The following SH3KBP1 variants were observed in gnomAD, a reference collection of about 807,000 sequenced individuals.
SH3KBP1 encodes SH3 domain containing kinase binding protein 1, also known as SH3 domain-containing kinase-binding protein 1.
A neutral mutation model predicts 50.1 loss-of-function variants in SH3KBP1; 8 were observed. The observed-to-expected ratio is 0.16, with a 90% CI of 0.09 to 0.29. The LOEUF is 0.29. Ranked by LOEUF, SH3KBP1 falls within the 10% of genes least tolerant of loss-of-function variation. The pLI is 1.00. For missense variants in SH3KBP1, 377 were observed against 535.2 expected, an observed-to-expected ratio of 0.70 and a Z score of 2.92; for synonymous variants, 227 against 218.6, an observed-to-expected ratio of 1.04 and a Z score of -0.34.
intron 2 of SH3KBP1, among the ~76,000 whole-genome samples, chrX:19,789,564 T>C (rs918063643): frequency 3.7e-5 from 4 of 109,119 alleles, no homozygotes; most frequent in African/African-American, 1.0e-4. Context: ...CTTTCCTCTG[T>C]GCGTCTGCGT....
intron 3 of SH3KBP1, among the ~76,000 whole-genome samples, chrX:19,738,263 C>T (rs1369191240): frequency 9.0e-6 from 1 of 110,946 alleles, no homozygotes; most frequent in Non-Finnish European, 1.9e-5. Context: ...ATTTTCTCTC[C>T]CCGCTTGTCT....
chrX:19,832,108 A>T (rs1020873748), intron 2 of SH3KBP1, among the ~76,000 whole-genome samples: 3 of 112,291 alleles, frequency 2.7e-5, no homozygotes. Flanking sequence ...TGACAGCTAC[A>T]AGTAGCGCAG....
chrX:19,547,175 G>C (rs1411798331), intron 14 of SH3KBP1, among the ~76,000 whole-genome samples: 2 of 110,590 alleles, frequency 1.8e-5, no homozygotes, highest in African/African-American at 6.6e-5. Flanking sequence ...AAAAATTCTG[G>C]ACCAATTCAC....
At chrX:19,538,579 A>G (rs1327898719) in intron 16 of SH3KBP1, among the ~76,000 whole-genome samples, 2 of 107,125 alleles carry the variant, frequency 1.9e-5, no homozygotes, top group Admixed American at 2.0e-4. Flanking sequence ...TTATTTATTT[A>G]TTTATTTTTA....
At chrX:19,732,426 G>A (rs2064407930) in intron 3 of SH3KBP1, among the ~76,000 whole-genome samples, 2 of 110,056 alleles carry the variant, frequency 1.8e-5, no homozygotes, top group East Asian at 5.7e-4. Context: ...ACTCAAGCAC[G>A]GGAAAAATCG....
rs1364154528 is a variant in SH3KBP1, at chrX:19,726,055, T to C, written c.287-19071A>G. ...GAATCGTATGCTTCATGGCATTAGC[T>C]GAACCCAGGAAGATGCCAAAGACAG... On this transcript the variant is annotated intron_variant, in intron 3 of 17. Coordinates refer to ENST00000397821, the MANE Select transcript of SH3KBP1 (RefSeq NM_031892.3). 6.3e-5 allele frequency among the ~76,000 whole-genome samples: 7 copies of C among 111,862 alleles called. 1 individual carries two copies. The Admixed American group carries it at 6.6e-4, about 11-fold the overall frequency.
chrX:19,691,235 C>T (rs1005200157), intron 5 of SH3KBP1, among the ~76,000 whole-genome samples: 16 of 107,313 alleles, frequency 1.5e-4, no homozygotes, highest in African/African-American at 5.4e-4. Context: ...GACGGCCAGA[C>T]ATTATGAGCC....
intron 2 of SH3KBP1, among the ~76,000 whole-genome samples, chrX:19,798,013 T>C (rs190341126): frequency 6.6e-4 from 73 of 111,165 alleles, no homozygotes; most frequent in African/African-American, 2.2e-3. Flanking sequence ...AAAAGTACCA[T>C]GACGGTGTCC....
At position 19,622,263 on chromosome X, in the gene SH3KBP1, T is replaced by G. The variant is rs182169670; in HGVS notation, c.897+9601A>C. Among the ~76,000 whole-genome samples the G allele has an allele frequency of 2.9e-3, 330 of 112,474 alleles. 3 individuals carry two copies. The highest frequency in any genetic ancestry group is 9.9e-3 in the African/African-American group (306 of 30,999). On this transcript the variant is annotated intron_variant, in intron 8 of 17. Transcript: ENST00000397821. ...ATGTTCAAGCTCGGTAATCATTTTT[T>G]AAAATGCAGAATTAGCAGAGCCCAA...
rs565929013 is a variant in SH3KBP1, at chrX:19,540,337, C to T, written c.1892+1588G>A. ...CAATTCCCTCCCAGCCTGAGTGGAA[C>T]AGAACCCGCTTAGAGCCACATTACT... On this transcript the variant is annotated intron_variant, in intron 16 of 17. Coordinates refer to ENST00000397821, the MANE Select transcript of SH3KBP1 (RefSeq NM_031892.3). 1.1e-3 allele frequency among the ~76,000 whole-genome samples: 122 copies of T among 110,842 alleles called. 1 individual carries two copies. The South Asian group carries it at 0.045, about 41-fold the overall frequency.
chrX:19,884,972 A>G (rs1448882620), intron 1 of SH3KBP1, among the ~76,000 whole-genome samples: 1 of 111,787 alleles, frequency 8.9e-6, no homozygotes, highest in African/African-American at 3.3e-5. Context: ...TTATCCATCA[A>G]GAGAAAACTC....
chrX:19,799,570 C>G, intron 2 of SH3KBP1: 1 of 1,109,215 alleles, frequency 9.0e-7, no homozygotes, highest in Non-Finnish European at 1.2e-6. Flanking sequence ...ACAAAGTAGT[C>G]GGGCAACAGG....
At chrX:19,658,809 G>A (rs1187923112) in intron 6 of SH3KBP1, among the ~76,000 whole-genome samples, 1 of 110,764 alleles carries the variant, frequency 9.0e-6, no homozygotes, top group Non-Finnish European at 1.9e-5. Flanking sequence ...CACCTGCCTC[G>A]GCCTCCTAAA....
chrX:19,833,787 A>T (rs980158677), intron 2 of SH3KBP1, among the ~76,000 whole-genome samples: 2 of 111,554 alleles, frequency 1.8e-5, no homozygotes, highest in Admixed American at 9.6e-5. Flanking sequence ...TCTTCACTCT[A>T]ACCACTGCCC....
At chrX:19,842,298 C>T (rs996383001) in intron 1 of SH3KBP1, among the ~76,000 whole-genome samples, 21 of 112,170 alleles carry the variant, frequency 1.9e-4, no homozygotes, top group Admixed American at 1.9e-4. Flanking sequence ...GAGGCCGAGG[C>T]GGGCAGATCA....
chrX:19,585,916 C>G (rs901608162), intron 12 of SH3KBP1, among the ~76,000 whole-genome samples: 2 of 111,942 alleles, frequency 1.8e-5, no homozygotes, highest in African/African-American at 3.2e-5. Context: ...TTTCCTCCCC[C>G]ACACCCTCCT....
chrX:19,769,608 T>A (rs757383799), intron 2 of SH3KBP1, among the ~76,000 whole-genome samples: 6 of 111,224 alleles, frequency 5.4e-5, no homozygotes, highest in Non-Finnish European at 9.4e-5. Context: ...AGATGTTTAA[T>A]ACAATGTGTG....
At chrX:19,554,258 T>G (rs1414681832) in intron 13 of SH3KBP1, among the ~76,000 whole-genome samples, 3 of 78,813 alleles carry the variant, frequency 3.8e-5, no homozygotes, top group Non-Finnish European at 6.8e-5. Flanking sequence ...TAAAATATAT[T>G]ATATATATTA....
intron 8 of SH3KBP1, among the ~76,000 whole-genome samples, chrX:19,616,133 T>G (rs2067603602): frequency 9.0e-6 from 1 of 111,153 alleles, no homozygotes; most frequent in Admixed American, 9.6e-5. Context: ...GGCTAATTTT[T>G]TAATTTTTTG....
Sources: allele counts gnomAD v4.1 joint callset (sites outside exome capture counted in the v4.1 genomes callset), GRCh38; gene constraint gnomAD v4.1.1; transcripts MANE v1.5; gene names NCBI Gene and HGNC (gene_info 2026-07-23, HGNC 2026-07-21).